Variants in EXOC6 observed in about 807,000 individuals in gnomAD.
The protein encoded by EXOC6 is SEC15-like 1.
EXOC6 carries 60 observed loss-of-function variants against 112.5 expected under a neutral mutation model. That is an observed-to-expected ratio of 0.53 (90% CI 0.43 to 0.66). EXOC6 has a LOEUF of 0.66. Ranked by LOEUF, EXOC6 falls within the 30% of genes least tolerant of loss-of-function variation. EXOC6 has a pLI of 0.00. For missense variants in EXOC6, 855 were observed against 957.1 expected, an observed-to-expected ratio of 0.89 and a Z score of 1.41; for synonymous variants, 295 against 308.0, an observed-to-expected ratio of 0.96 and a Z score of 0.44.
chr10:92,882,194 A>G (rs190628038), intron 1 of EXOC6, among the ~76,000 whole-genome samples: 46 of 152,264 alleles, frequency 3.0e-4, no homozygotes, highest in Non-Finnish European at 5.3e-4. Flanking sequence ...TATAGTAGAA[A>G]TATTTTATTC....
At chr10:92,986,714 T>A (rs1843024760) in intron 18 of EXOC6, among the ~76,000 whole-genome samples, 1 of 151,634 alleles carries the variant, frequency 6.6e-6, no homozygotes, top group African/African-American at 2.4e-5. Context: ...GAATACCATA[T>A]ATTTTATTAT....
At chr10:92,996,937 TATGCTATAG>T (rs1246152559) in intron 18 of EXOC6, among the ~76,000 whole-genome samples, 5 of 152,164 alleles carry the variant, frequency 3.3e-5, no homozygotes, top group Non-Finnish European at 5.9e-5. Context: ...TGATTGAAGC[TATGCTATAG>T]ACTAATGTTC....
chr10:92,868,358 T>C (rs559256250), intron 1 of EXOC6, among the ~76,000 whole-genome samples: 1 of 152,264 alleles, frequency 6.6e-6, no homozygotes, highest in South Asian at 2.1e-4. Flanking sequence ...GCCATTATCA[T>C]GTACTGAATT....
chr10:93,017,835 C>T (rs969630233), intron 20 of EXOC6, among the ~76,000 whole-genome samples: 1 of 151,696 alleles, frequency 6.6e-6, no homozygotes, highest in Non-Finnish European at 1.5e-5. Context: ...CACAGTGAAA[C>T]CCCGTCTCTA....
At chr10:93,009,737 T>C (rs1054761244) in intron 19 of EXOC6, among the ~76,000 whole-genome samples, 1 of 152,170 alleles carries the variant, frequency 6.6e-6, no homozygotes, top group African/African-American at 2.4e-5. Context: ...AAGAGAGTGG[T>C]ATATGCATGG....
chr10:92,893,693 A>G (rs1482176072), intron 2 of EXOC6, among the ~76,000 whole-genome samples, 173 bp downstream of exon 2: 1 of 152,236 alleles, frequency 6.6e-6, no homozygotes, highest in Non-Finnish European at 1.5e-5. Flanking sequence ...TGCTAATGAC[A>G]GGAGTATTCT....
rs374008265 is a variant in EXOC6, at chr10:93,012,354, C to T, written c.2096-1840C>T. Among the ~76,000 whole-genome samples the T allele has an allele frequency of 2.6e-4, 39 of 152,212 alleles. 1 individual carries two copies. Among genetic ancestry groups the T allele is most frequent in the East Asian group, 1.7e-3 (9 of 5,186 alleles). The stretch of plus-strand genomic sequence containing the variant: ...AAGCTAGACACAAGAACTCAAATAG[C>T]GCAGCTTTTTAATAGAACAAAAAAA... On this transcript the variant is annotated intron_variant, in intron 19 of 21. Coordinates refer to ENST00000260762, the MANE Select transcript of EXOC6 (RefSeq NM_019053.6).
intron 11 of EXOC6, among the ~76,000 whole-genome samples, chr10:92,934,667 C>A (rs1272000345): frequency 6.6e-6 from 1 of 152,064 alleles, no homozygotes; most frequent in African/African-American, 2.4e-5. Flanking sequence ...AAGAATTAAG[C>A]AGGTCTCATT....
rs551468487 is a variant in EXOC6 at position 92,925,583 on chromosome 10, A to G, written c.889-2756A>G. Among the ~76,000 whole-genome samples the G allele has an allele frequency of 2.2e-4, 33 of 152,064 alleles. No individual in the cohort carries two copies. The South Asian group carries it at 2.3e-3, about 11-fold the overall frequency. Reference sequence around the variant, plus strand: ...GTGCTGGGATTACAGGCGTGAGCCAATGCACCTGGCGTTGGTGATATTATG... The same window carrying G: ...GTGCTGGGATTACAGGCGTGAGCCAGTGCACCTGGCGTTGGTGATATTATG... On this transcript the variant is annotated intron_variant, in intron 8 of 21. Coordinates refer to ENST00000260762, the MANE Select transcript of EXOC6 (RefSeq NM_019053.6).
At chr10:92,992,742 C>T (rs906041080) in intron 18 of EXOC6, among the ~76,000 whole-genome samples, 15 of 151,826 alleles carry the variant, frequency 9.9e-5, no homozygotes, top group African/African-American at 3.1e-4. Flanking sequence ...TGATGAAATA[C>T]CTCATTCTTT....
chr10:92,897,438 A>G (rs1425164078), intron 4 of EXOC6, among the ~76,000 whole-genome samples: 1 of 152,238 alleles, frequency 6.6e-6, no homozygotes, highest in Non-Finnish European at 1.5e-5. Flanking sequence ...AGGATCCTAC[A>G]ATCTGTGAAA....
chr10:92,849,714 G>A (rs1444990788), intron 1 of EXOC6, among the ~76,000 whole-genome samples: 1 of 152,132 alleles, frequency 6.6e-6, no homozygotes, highest in African/African-American at 2.4e-5. Flanking sequence ...AATACACCTT[G>A]CCCTTAAGAG....
chr10:92,862,050 T>G (rs763203808), intron 1 of EXOC6, among the ~76,000 whole-genome samples: 22 of 152,366 alleles, frequency 1.4e-4, no homozygotes, highest in Non-Finnish European at 2.6e-4. Context: ...TGACATTTAG[T>G]ACATTCACAG....
chr10:92,956,966 C>T (rs1228673755), intron 17 of EXOC6, among the ~76,000 whole-genome samples: 1 of 152,052 alleles, frequency 6.6e-6, no homozygotes, highest in Non-Finnish European at 1.5e-5. Context: ...GCTCTGAGCA[C>T]TCTGTTTAGA....
At chr10:92,829,195 G>C (rs1300249239) in intron 1 of EXOC6, among the ~76,000 whole-genome samples, 3 of 152,126 alleles carry the variant, frequency 2.0e-5, no homozygotes, top group Non-Finnish European at 4.4e-5. Context: ...AAGCCCATTT[G>C]CATGATAAGA....
intron 18 of EXOC6, among the ~76,000 whole-genome samples, chr10:92,986,658 A>G (rs1843020512): frequency 6.6e-6 from 1 of 151,488 alleles, no homozygotes; most frequent in Non-Finnish European, 1.5e-5. Flanking sequence ...TTAAATCCAC[A>G]TATCTGGGTA....
chr10:92,927,502 A>G (rs1851789769), intron 8 of EXOC6, among the ~76,000 whole-genome samples: 1 of 152,218 alleles, frequency 6.6e-6, no homozygotes, highest in Non-Finnish European at 1.5e-5. Flanking sequence ...GCTGTTAGTT[A>G]TATGTAGTTA....
At chr10:92,958,468 C>A (rs1853812155) in intron 17 of EXOC6, among the ~76,000 whole-genome samples, 2 of 152,182 alleles carry the variant, frequency 1.3e-5, no homozygotes, top group South Asian at 4.1e-4. Context: ...ACTTCTGATT[C>A]TTTTTCTAAC....
intron 17 of EXOC6, among the ~76,000 whole-genome samples, chr10:92,971,502 G>A (rs1256675144): frequency 1.3e-5 from 2 of 151,980 alleles, no homozygotes; most frequent in East Asian, 1.9e-4. Flanking sequence ...AGCCTCCCAA[G>A]TAGCTGGGAT....
Sources: gnomAD v4.1 joint callset for allele counts (sites outside exome capture counted in the v4.1 genomes callset) on GRCh38, gnomAD v4.1.1 for gene constraint, MANE v1.5 for transcripts, NCBI Gene and HGNC (gene_info 2026-07-23, HGNC 2026-07-21) for gene names.